The following KIF3B variants were observed in gnomAD, a reference collection of about 807,000 sequenced individuals.
KIF3B encodes kinesin-like protein KIF3B.
In KIF3B, 38 loss-of-function variants were observed where a neutral mutation model predicts 74.3. The ratio of observed to expected loss-of-function variants is 0.51; its 90% confidence interval spans 0.39 to 0.67. The LOEUF (loss-of-function observed/expected upper bound fraction) is 0.67, where lower values mean the gene tolerates loss of function less well. Among genes scored for constraint, KIF3B ranks in the 30% least tolerant of loss-of-function variants. KIF3B has a pLI of 0.00. For synonymous variants in KIF3B, 326 were observed against 342.5 expected, an observed-to-expected ratio of 0.95 and a Z score of 0.53; for missense variants, 649 against 932.0, an observed-to-expected ratio of 0.70 and a Z score of 3.95.
At chr20:32,280,581 G>T (rs2047637456) in intron 1 of KIF3B, among the ~76,000 whole-genome samples, 1 of 151,650 alleles carries the variant, frequency 6.6e-6, no homozygotes, top group African/African-American at 2.4e-5. Flanking sequence ...TGGGCATGGT[G>T]GCGGGCGCCT....
chr20:32,281,243 C>G (rs879622168), intron 1 of KIF3B, among the ~76,000 whole-genome samples: 1 of 152,142 alleles, frequency 6.6e-6, no homozygotes, highest in African/African-American at 2.4e-5. Flanking sequence ...GTTTTATAGT[C>G]GAGGAATCTG....
rs754391593 is a variant in KIF3B, at chr20:32,310,759, C to G, written c.982C>G (p.Leu328Val). The change falls in exon 2 of 9, where the codon CTG (leucine) becomes GTG (valine). Residue 328 changes from leucine to valine, a missense_variant. Leu to Val is a conservative substitution (Grantham distance 32, BLOSUM62 1). Transcript: ENST00000375712. The surrounding 1 kb of genome is among the most constrained non-coding windows in gnomAD (Gnocchi z 6.5). The stretch of plus-strand genomic sequence containing the variant: ...TGCCTCTTACAACGTAGAAGAGACT[C>G]TGACCACTCTGCGATATGCCAACCG... ...GPASYNVEETLTTLRYANRAK... is the reference protein window; with the variant it reads ...GPASYNVEETVTTLRYANRAK... 23 of 1,614,048 alleles carry G rather than the reference C, an allele frequency of 1.4e-5. 1 individual carries two copies. In the South Asian group the frequency reaches 2.5e-4, roughly 18 times the overall value.
In KIF3B at chr20:32,310,583, A is replaced by G. The variant is rs2047794992; in HGVS notation, c.806A>G (p.Asn269Ser). ...AGATTAAAAGAAGCTACCAAGATCA[A>G]CCTCTCCCTTTCCGCTTTGGGTAAT... ...GERLKEATKI[N>S]LSLSALGNVI... is the part of the protein sequence containing the mutation. The change falls in exon 2 of 9, where the codon AAC becomes AGC. Residue 269 changes from asparagine to serine, a missense_variant. By Grantham distance (46) the Asn-to-Ser change is conservative. This residue lies in a region of KIF3B where 363 missense variants were observed against 592.8 expected (regional missense o/e 0.61). Transcript: ENST00000375712. The surrounding 1 kb of genome is among the most constrained non-coding windows in gnomAD (Gnocchi z 6.5). 2 of 1,613,900 alleles carry G rather than the reference A, an allele frequency of 1.2e-6. No individual in the cohort carries two copies. Among genetic ancestry groups the G allele is most frequent in the Non-Finnish European group, 1.7e-6 (2 of 1,179,974 alleles).
intron 1 of KIF3B, among the ~76,000 whole-genome samples, chr20:32,292,415 G>A (rs1481380007): frequency 6.6e-6 from 1 of 151,682 alleles, no homozygotes; most frequent in Non-Finnish European, 1.5e-5. Context: ...GTGCAACAAA[G>A]CAAGACCCCC....
chr20:32,298,154 C>G (rs980670990), intron 1 of KIF3B, among the ~76,000 whole-genome samples: 7 of 148,994 alleles, frequency 4.7e-5, no homozygotes, highest in African/African-American at 1.7e-4. Flanking sequence ...AAAAAAAATT[C>G]AGGCCTGGTG....
intron 5 of KIF3B, among the ~76,000 whole-genome samples, chr20:32,320,976 G>A (rs2047856989): frequency 6.6e-6 from 1 of 151,992 alleles, no homozygotes; most frequent in East Asian, 1.9e-4. Flanking sequence ...GGCTTATAGT[G>A]TTAGGTCTTA....
At chr20:32,290,201 A>G (rs2047684925) in intron 1 of KIF3B, among the ~76,000 whole-genome samples, 1 of 152,066 alleles carries the variant, frequency 6.6e-6, no homozygotes, top group Non-Finnish European at 1.5e-5. Flanking sequence ...TGGCCAACAT[A>G]GTGAAACCCA....
chr20:32,284,475 T>C (rs2047658493), intron 1 of KIF3B, among the ~76,000 whole-genome samples: 1 of 152,144 alleles, frequency 6.6e-6, no homozygotes, highest in South Asian at 2.1e-4. Flanking sequence ...ATGTACCATG[T>C]CCCCAGGACC....
In KIF3B at chr20:32,316,585, A is replaced by G. The variant is rs778743312; in HGVS notation, c.1565A>G (p.Glu522Gly). 33 of 1,614,146 alleles carry G rather than the reference A, an allele frequency of 2.0e-5. No individual in the cohort carries two copies. Among genetic ancestry groups the G allele is most frequent in the Non-Finnish European group, 2.5e-5 (30 of 1,180,018 alleles). ...QMESRDEETL[E>G]LKETYSSLQQ... ...GAAAGTCGAGATGAGGAGACCTTGGAACTTAAAGAGACATACAGCTCATTG... is the reference window on the plus strand; with the variant it reads ...GAAAGTCGAGATGAGGAGACCTTGGGACTTAAAGAGACATACAGCTCATTG... Residue 522 changes from glutamate (E) to glycine (G), a missense_variant, in exon 4 of 9, where the codon GAA (glutamate) becomes GGA (glycine). Transcript: ENST00000375712.
At chr20:32,316,396 G>T in intron 3 of KIF3B, 77 bp downstream of exon 3, 1 of 1,529,130 alleles carries the variant, frequency 6.5e-7, no homozygotes, top group Non-Finnish European at 9.0e-7. Flanking sequence ...TCTCATATTA[G>T]ACTCTCTTCA....
chr20:32,305,592 T>G (rs6141286), intron 1 of KIF3B, among the ~76,000 whole-genome samples: 13,388 of 87,638 alleles, frequency 0.15, 667 homozygotes, highest in East Asian at 0.45. Context: ...TTTTTTTTTT[T>G]TGTGTGTGTA....
At chr20:32,322,768 T>TTA (rs1262438372) in intron 5 of KIF3B, among the ~76,000 whole-genome samples, 3 of 34,140 alleles carry the variant, frequency 8.8e-5, no homozygotes, top group South Asian at 8.1e-4. Flanking sequence ...TTATATATAT[T>TTA]TATATATATA....
chr20:32,323,152 T>TTACA (rs1348669212), intron 5 of KIF3B, among the ~76,000 whole-genome samples: 6 of 34,636 alleles, frequency 1.7e-4, no homozygotes, highest in East Asian at 9.4e-3. Flanking sequence ...ATTTATATAT[T>TTACA]TATATTTATA....
At position 32,319,561 on chromosome 20, in the gene KIF3B, G is replaced by GTT. The variant is rs770481373; in HGVS notation, c.1748+2695_1748+2696dup. Among the ~76,000 whole-genome samples, 24 of 122,536 alleles carry GTT rather than the reference G, an allele frequency of 2.0e-4. No homozygotes were observed. In the East Asian group the frequency reaches 3.1e-3, roughly 16 times the overall value. 80.4% of individuals were successfully genotyped at this position (122,536 alleles called of 152,430 possible). ...ACACACACATATGTGTATATATATAGTTTTTTTTTGTTTTGTTTTTGTTTT... is the reference window on the plus strand; with the variant it reads ...ACACACACATATGTGTATATATATAGTTTTTTTTTTTGTTTTGTTTTTGTTTT... On this transcript the variant is annotated intron_variant, in intron 5 of 8. Coordinates refer to ENST00000375712, the MANE Select transcript of KIF3B (RefSeq NM_004798.4).
chr20:32,288,077 T>C (rs758385232), intron 1 of KIF3B, among the ~76,000 whole-genome samples: 10 of 151,850 alleles, frequency 6.6e-5, no homozygotes, highest in Non-Finnish European at 1.5e-5. Context: ...GAGATAGGGT[T>C]TCACCATGTT....
At chr20:32,285,795 T>G (rs1186394841) in intron 1 of KIF3B, among the ~76,000 whole-genome samples, 1 of 152,172 alleles carries the variant, frequency 6.6e-6, no homozygotes, top group African/African-American at 2.4e-5. Context: ...TCCCAGACCT[T>G]TCGGGTGTGG....
chr20:32,314,478 T>G lies in KIF3B; in HGVS notation c.1405-1740T>G, dbSNP rs1481049416. Among the ~76,000 whole-genome samples the G allele has an allele frequency of 2.0e-5, 3 of 151,744 alleles. No homozygotes were observed. The East Asian group carries it at 5.8e-4, about 29-fold the overall frequency. On this transcript the variant is annotated intron_variant, in intron 2 of 8. Coordinates refer to ENST00000375712, the MANE Select transcript of KIF3B (RefSeq NM_004798.4). Reference sequence around the variant, plus strand: ...TTGCTTGAACCTGGGAGGCAGAGGTTGCAGTGAGCCAAGATCATGCCACTG... The same window carrying G: ...TTGCTTGAACCTGGGAGGCAGAGGTGGCAGTGAGCCAAGATCATGCCACTG...
chr20:32,278,011 G>A (rs1313074833), intron 1 of KIF3B, among the ~76,000 whole-genome samples: 1 of 152,208 alleles, frequency 6.6e-6, no homozygotes, highest in African/African-American at 2.4e-5. Flanking sequence ...GGGCCCTGAG[G>A]CGGTGGTCAG....
Position 32,310,924 on chromosome 20 carries a change from C to A in KIF3B, c.1147C>A (p.Arg383=), listed in dbSNP as rs1202712896. 8.1e-7 allele frequency: 1 copy of A among 1,228,092 alleles called. No homozygotes were observed. The allele number at this position is 1,228,092 out of a possible 1,614,324, so 76.1% of individuals were successfully genotyped here. ...TGGTAGGAGGAAGAGGCGAGAGAAG[C>A]GGAGGGAAGGTGGTGGCAGTGGTGG... ...SIGRRKRREK[R]REGGGSGGGG... is the part of the protein sequence containing the mutation. Residue 383 remains arginine, a synonymous_variant, in exon 2 of 9, where the codon CGG becomes AGG. Transcript: ENST00000375712. This position sits in a 1 kb window ranked among gnomAD's most constrained non-coding sequence, Gnocchi z 6.5.
Sources: gnomAD v4.1 joint callset for allele counts (sites outside exome capture counted in the v4.1 genomes callset) on GRCh38, gnomAD v4.1.1 for gene constraint, gnomAD v4.1.1 regional missense constraint, Gnocchi (gnomAD v3.1) non-coding constraint, MANE v1.5 for transcripts, NCBI Gene and HGNC (gene_info 2026-07-23, HGNC 2026-07-21) for gene names.